Variants in DPY19L2 observed in about 807,000 individuals in gnomAD.
DPY19L2 encodes the protein dpy-19 like 2.
In DPY19L2, 34 loss-of-function variants were observed where a neutral mutation model predicts 97.9. The observed-to-expected ratio is 0.35, with a 90% CI of 0.26 to 0.46. The LOEUF is 0.46. Among genes scored for constraint, DPY19L2 ranks in the 20% least tolerant of loss-of-function variants. The probability of loss-of-function intolerance (pLI) is 1.00; values close to 1 mark genes in which losing one functional copy is unlikely to be tolerated. For synonymous variants in DPY19L2, 230 were observed against 307.9 expected, an observed-to-expected ratio of 0.75 and a Z score of 2.65; for missense variants, 623 against 911.4, an observed-to-expected ratio of 0.68 and a Z score of 4.07.
intron 4 of DPY19L2, among the ~76,000 whole-genome samples, chr12:63,655,422 T>C (rs1766197602): frequency 6.6e-6 from 1 of 152,138 alleles, no homozygotes; most frequent in South Asian, 2.1e-4. Context: ...GTTTCATTCA[T>C]TCAACAAATA....
chr12:63,668,666 G>A (rs969653657), upstream of DPY19L2: 3 of 464,554 alleles, frequency 6.5e-6, no homozygotes, highest in East Asian at 1.2e-4. Flanking sequence ...AGCTTCCGGT[G>A]AGGGCAGCCC....
At chr12:63,637,765 AT>A (rs1206109264) in intron 6 of DPY19L2, among the ~76,000 whole-genome samples, 1 of 152,166 alleles carries the variant, frequency 6.6e-6, no homozygotes, top group Non-Finnish European at 1.5e-5. Context: ...TCACAGCCCA[AT>A]CCTACCAGAG....
chr12:63,610,917 G>A (rs1241849599), intron 11 of DPY19L2, among the ~76,000 whole-genome samples: 3 of 90,946 alleles, frequency 3.3e-5, no homozygotes, highest in South Asian at 3.6e-4. Flanking sequence ...ATGAGCAAAG[G>A]ACTTGAATAA....
At chr12:63,594,554 A>G (rs1883832869) in intron 15 of DPY19L2, among the ~76,000 whole-genome samples, 1 of 136,508 alleles carries the variant, frequency 7.3e-6, no homozygotes, top group Non-Finnish European at 1.5e-5. Context: ...GTGTGTATGA[A>G]ACCTGGCTAG....
chr12:63,664,577 T>A (rs1188135590), intron 2 of DPY19L2, among the ~76,000 whole-genome samples: 1 of 151,580 alleles, frequency 6.6e-6, no homozygotes, highest in Non-Finnish European at 1.5e-5. Context: ...TTACAATAAG[T>A]ATAATATCAC....
intron 16 of DPY19L2, among the ~76,000 whole-genome samples, chr12:63,587,200 T>C (rs1881941707): frequency 6.6e-6 from 1 of 152,084 alleles, no homozygotes; most frequent in South Asian, 2.1e-4. Context: ...ATATCCTTTA[T>C]AATAAAAGTA....
At chr12:63,633,324 G>A (rs929301222) in intron 6 of DPY19L2, among the ~76,000 whole-genome samples, 2 of 151,928 alleles carry the variant, frequency 1.3e-5, no homozygotes, top group African/African-American at 4.8e-5. Context: ...TCTGACAAAG[G>A]GCTAATATCC....
At chr12:63,644,979 A>G (rs915374361) in intron 5 of DPY19L2, among the ~76,000 whole-genome samples, 1 of 152,044 alleles carries the variant, frequency 6.6e-6, no homozygotes, top group Non-Finnish European at 1.5e-5. Flanking sequence ...AAGAGTTAAG[A>G]TATGGTTTTG....
chr12:63,637,194 A>T (rs529531469), intron 6 of DPY19L2, among the ~76,000 whole-genome samples: 1 of 152,208 alleles, frequency 6.6e-6, no homozygotes, highest in Non-Finnish European at 1.5e-5. Context: ...TACTGGGTAC[A>T]TAACGAAATG....
At chr12:63,566,451 C>A (rs367932694) in intron 21 of DPY19L2, among the ~76,000 whole-genome samples, 20 of 152,104 alleles carry the variant, frequency 1.3e-4, no homozygotes, top group Admixed American at 5.2e-4. Context: ...ATACTCCCCC[C>A]ACATTCCCAC....
In DPY19L2 at chr12:63,605,945, T is replaced by C. The variant is rs1452668477; in HGVS notation, c.1278+2671A>G. On this transcript the variant is annotated intron_variant, in intron 12 of 21. Transcript: ENST00000324472. Reference sequence around the variant, plus strand: ...AACCTTCATACACATAAATGTGTTTTATTTTTCTATTTATATCTTAGAAAT... The same window carrying C: ...AACCTTCATACACATAAATGTGTTTCATTTTTCTATTTATATCTTAGAAAT... Among the ~76,000 whole-genome samples, 4 of 152,204 alleles carry C rather than the reference T, an allele frequency of 2.6e-5. No homozygotes were observed. In the East Asian group the frequency reaches 7.7e-4, roughly 29 times the overall value.
In DPY19L2 at chr12:63,637,886, C is replaced by T. The variant is rs181958489; in HGVS notation, c.803+6517G>A. 5.9e-5 allele frequency among the ~76,000 whole-genome samples: 9 copies of T among 152,266 alleles called. No individual in the cohort carries two copies. In the East Asian group the frequency reaches 1.5e-3, roughly 26 times the overall value. Reference sequence around the variant, plus strand: ...GGCCAGCATCATCCTGATACCAAGGCCTGGCAGAGACACAACAAAAAAAGA... The same window carrying T: ...GGCCAGCATCATCCTGATACCAAGGTCTGGCAGAGACACAACAAAAAAAGA... On this transcript the variant is annotated intron_variant, in intron 6 of 21. Transcript: ENST00000324472.
chr12:63,564,682 C>T (rs1717884524), intron 21 of DPY19L2, among the ~76,000 whole-genome samples: 1 of 152,022 alleles, frequency 6.6e-6, no homozygotes, highest in African/African-American at 2.4e-5. Flanking sequence ...TCTGCGTGTG[C>T]TTGAATGTCT....
At chr12:63,600,437 A>G (rs769200052) in intron 12 of DPY19L2, 51 bp from the exon 13 acceptor site, 1 of 1,348,524 alleles carries the variant, frequency 7.4e-7, no homozygotes, top group Non-Finnish European at 1.1e-6. Flanking sequence ...TCACCCAGCT[A>G]AAGTATTCAA....
At chr12:63,664,676 G>A (rs191535784) in intron 2 of DPY19L2, among the ~76,000 whole-genome samples, 1 of 152,314 alleles carries the variant, frequency 6.6e-6, no homozygotes, top group East Asian at 1.9e-4. Context: ...CGGCAGTGAA[G>A]AAAGGAGCAT....
chr12:63,641,441 A>G (rs993446499), intron 6 of DPY19L2, among the ~76,000 whole-genome samples: 12 of 152,120 alleles, frequency 7.9e-5, no homozygotes, highest in Admixed American at 7.2e-4. Context: ...CCAGCCTCCA[A>G]GATAAGAATC....
intron 15 of DPY19L2, among the ~76,000 whole-genome samples, chr12:63,594,804 C>T (rs1315792003): frequency 1.3e-5 from 2 of 152,110 alleles, no homozygotes. Flanking sequence ...CAGTTTCTCT[C>T]ACATTGCTGA....
chr12:63,581,517 T>C, intron 18 of DPY19L2, among the ~76,000 whole-genome samples: 1 of 119,686 alleles, frequency 8.4e-6, no homozygotes, highest in East Asian at 2.8e-4. Flanking sequence ...AGAGTCTCAC[T>C]CTGTCTCCCA....
At chr12:63,667,095 T>C (rs1896421438) in intron 1 of DPY19L2, among the ~76,000 whole-genome samples, 1 of 152,166 alleles carries the variant, frequency 6.6e-6, no homozygotes, top group African/African-American at 2.4e-5. Context: ...GTATGGCCCA[T>C]GGTGCATTTT....
Sources: allele counts gnomAD v4.1 joint callset (sites outside exome capture counted in the v4.1 genomes callset), GRCh38; gene constraint gnomAD v4.1.1; transcripts MANE v1.5; gene names NCBI Gene and HGNC (gene_info 2026-07-23, HGNC 2026-07-21).